SAMMSON: variants seen among roughly 807,000 people sequenced by gnomAD.
SAMMSON encodes the protein long intergenic non-protein coding RNA 1212.
chr3:70,072,736 A>G (rs1412442998), intron 4 of SAMMSON: 4 of 151,934 alleles, frequency 2.6e-5, no homozygotes, highest in African/African-American at 7.2e-5. Flanking sequence ...AAAACAAATG[A>G]CAAAGTTAGC....
chr3:70,214,097 G>C (rs1701381445), intron 4 of SAMMSON, among the ~76,000 whole-genome samples: 1 of 152,084 alleles, frequency 6.6e-6, no homozygotes, highest in Non-Finnish European at 1.5e-5. Flanking sequence ...GAAATGAATG[G>C]AAATAAGTAA....
intron 4 of SAMMSON, among the ~76,000 whole-genome samples, chr3:70,239,390 C>T (rs2106640334): frequency 1.3e-5 from 2 of 152,274 alleles, no homozygotes; most frequent in Non-Finnish European, 2.9e-5. Context: ...CGCTTCTCCA[C>T]CATTCAGGAT....
rs552241073 is a variant in SAMMSON at position 70,321,452 on chromosome 3, G to T, written n.739+30209G>T. On this transcript the variant is annotated intron_variant and non_coding_transcript_variant, in intron 7 of 9. Coordinates refer to ENST00000642114, the Ensembl canonical transcript of SAMMSON. ...TCACTTATTTTTATTGTATTCCATT[G>T]TGCTAATATACTACAATTTTGTCAT... Among the ~76,000 whole-genome samples the T allele has an allele frequency of 2.0e-5, 3 of 152,122 alleles. No homozygotes were observed. The South Asian group carries it at 6.2e-4, about 32-fold the overall frequency.
intron 4 of SAMMSON, among the ~76,000 whole-genome samples, chr3:70,123,293 G>A (rs951531819): frequency 6.6e-6 from 1 of 152,158 alleles, no homozygotes; most frequent in African/African-American, 2.4e-5. Context: ...TTGAGATGAA[G>A]TCTCGCTCTG....
chr3:70,434,354 A>C (rs1035744810), intron 2 of SAMMSON, among the ~76,000 whole-genome samples: 3 of 152,118 alleles, frequency 2.0e-5, no homozygotes, highest in African/African-American at 7.2e-5. Flanking sequence ...TACTTGTTAG[A>C]TTTATATCTA....
chr3:70,094,527 T>A (rs2067316813), intron 4 of SAMMSON: 1 of 152,272 alleles, frequency 6.6e-6, no homozygotes, highest in Non-Finnish European at 1.5e-5. Flanking sequence ...AATGTCTCAG[T>A]CCCACCCTGA....
chr3:70,044,786 A>G (rs149039129), intron 3 of SAMMSON, among the ~76,000 whole-genome samples: 2,278 of 150,702 alleles, frequency 0.015, 13 homozygotes, highest in Non-Finnish European at 0.023. Context: ...CTGTGTTTAC[A>G]TATAAAATCT....
chr3:70,267,396 T>C (rs1486365526), intron 6 of SAMMSON, among the ~76,000 whole-genome samples: 2 of 758 alleles, frequency 2.6e-3, no homozygotes. Context: ...TTTAATAGCT[T>C]TTTTTTTTTT....
At chr3:70,411,299 G>A (rs1234449264) in intron 2 of SAMMSON, among the ~76,000 whole-genome samples, 2 of 152,090 alleles carry the variant, frequency 1.3e-5, no homozygotes, top group African/African-American at 2.4e-5. Flanking sequence ...AGTCTTTCTG[G>A]AAGTAAGGAT....
chr3:70,149,541 C>A (rs1430567348), intron 4 of SAMMSON, among the ~76,000 whole-genome samples: 1 of 152,062 alleles, frequency 6.6e-6, no homozygotes, highest in South Asian at 2.1e-4. Context: ...GTGGGGCAGG[C>A]AGAAAGCCAT....
intron 3 of SAMMSON, among the ~76,000 whole-genome samples, chr3:70,023,495 C>T (rs1046382939): frequency 3.3e-5 from 5 of 151,620 alleles, no homozygotes; most frequent in East Asian, 1.9e-4. Context: ...TCTTTATATT[C>T]TTTATTTATA....
At chr3:70,412,190 C>G (rs1701224954) in intron 2 of SAMMSON, among the ~76,000 whole-genome samples, 1 of 152,090 alleles carries the variant, frequency 6.6e-6, no homozygotes, top group South Asian at 2.1e-4. Flanking sequence ...CCATTATGGA[C>G]TTGTCTTACC....
At chr3:70,267,394 C>CTTTTTTT (rs9310185) in intron 6 of SAMMSON, among the ~76,000 whole-genome samples, 1 of 74,844 alleles carries the variant, frequency 1.3e-5, no homozygotes, top group Non-Finnish European at 2.3e-5. Context: ...TTTTTAATAG[C>CTTTTTTT]TTTTTTTTTT....
At chr3:70,015,753 C>G (rs1347076983) in intron 3 of SAMMSON, among the ~76,000 whole-genome samples, 1 of 152,118 alleles carries the variant, frequency 6.6e-6, no homozygotes. Flanking sequence ...GTGATGTTCC[C>G]CTTCCTGTGT....
chr3:70,000,305 G>C (rs1030145683), intron 1 of SAMMSON, among the ~76,000 whole-genome samples: 3 of 152,158 alleles, frequency 2.0e-5, no homozygotes, highest in Non-Finnish European at 2.9e-5. Flanking sequence ...GAAGAAACGA[G>C]CCACACTCCC....
At chr3:70,309,077 G>T (rs1367580980) in intron 7 of SAMMSON, among the ~76,000 whole-genome samples, 1 of 152,102 alleles carries the variant, frequency 6.6e-6, no homozygotes, top group Non-Finnish European at 1.5e-5. Flanking sequence ...TTTTAAGGGG[G>T]AGTGAGGGAG....
At chr3:70,173,124 TC>T (rs1424998906) in intron 4 of SAMMSON, among the ~76,000 whole-genome samples, 2 of 151,948 alleles carry the variant, frequency 1.3e-5, no homozygotes, top group Non-Finnish European at 2.9e-5. Context: ...ACATTTTTCT[TC>T]TTGGATAAAT....
intron 4 of SAMMSON, chr3:70,125,668 C>A: frequency 1.4e-6 from 1 of 699,380 alleles, no homozygotes; most frequent in Non-Finnish European, 2.6e-6. Context: ...TCTTTTATTA[C>A]CTACAGGTTG....
At chr3:70,136,937 GTCTT>G (rs1381142880) in intron 4 of SAMMSON, among the ~76,000 whole-genome samples, 1 of 152,042 alleles carries the variant, frequency 6.6e-6, no homozygotes, top group Non-Finnish European at 1.5e-5. Context: ...TTCAATAAGA[GTCTT>G]TATGTGTATA....
Sources: allele counts gnomAD v4.1 joint callset (sites outside exome capture counted in the v4.1 genomes callset), GRCh38; gene constraint gnomAD v4.1.1; transcripts MANE v1.5; gene names NCBI Gene and HGNC (gene_info 2026-07-23, HGNC 2026-07-21).